The following BICC1 variants were observed in gnomAD, a reference collection of about 807,000 sequenced individuals.
BICC1 encodes BicC family RNA binding protein 1.
BICC1 carries 43 observed loss-of-function variants against 111.0 expected under a neutral mutation model. The ratio of observed to expected loss-of-function variants is 0.39; its 90% CI spans 0.30 to 0.50. The LOEUF is 0.50. Ranked by LOEUF, BICC1 falls within the 20% of genes least tolerant of loss-of-function variation. BICC1 has a pLI of 0.88. For missense variants in BICC1, 1,091 were observed against 1,203.2 expected (o/e 0.91, Z 1.38); for synonymous variants, 467 against 434.4 (o/e 1.07, Z -0.93).
intron 3 of BICC1, among the ~76,000 whole-genome samples, chr10:58,754,347 G>A (rs989297396): frequency 6.6e-6 from 1 of 152,190 alleles, no homozygotes; most frequent in East Asian, 1.9e-4. Flanking sequence ...TTTTGATTCA[G>A]TTGAATAGTA....
chr10:58,629,477 G>A (rs933198754), intron 2 of BICC1, among the ~76,000 whole-genome samples: 1 of 152,150 alleles, frequency 6.6e-6, no homozygotes, highest in Non-Finnish European at 1.5e-5. Flanking sequence ...AGTGAGAGAG[G>A]TTCTGCCTAA....
chr10:58,752,587 T>G (rs1159198660), intron 3 of BICC1, among the ~76,000 whole-genome samples: 1 of 152,164 alleles, frequency 6.6e-6, no homozygotes, highest in East Asian at 1.9e-4. Flanking sequence ...CTCATTTCTC[T>G]TCTTCCTGAA....
intron 3 of BICC1, among the ~76,000 whole-genome samples, chr10:58,772,685 CTT>C (rs1842651116): frequency 6.6e-6 from 1 of 152,106 alleles, no homozygotes; most frequent in African/African-American, 2.4e-5. Flanking sequence ...TGTACATAGT[CTT>C]TGGATGCAGT....
chr10:58,748,174 T>C lies in BICC1; in HGVS notation c.308-36827T>C, dbSNP rs183811820. 2.0e-3 allele frequency among the ~76,000 whole-genome samples: 308 copies of C among 152,248 alleles called. 1 individual carries two copies. Among genetic ancestry groups the C allele is most frequent in the Admixed American group, 5.2e-3 (80 of 15,276 alleles). On this transcript the variant is annotated intron_variant, in intron 3 of 20. Transcript: ENST00000373886. ...TACAAGTCAGTTTTAAATTTATGTTTTCATTGTCTCAAATCGAGTGACTTT... is the reference window on the plus strand; with the variant it reads ...TACAAGTCAGTTTTAAATTTATGTTCTCATTGTCTCAAATCGAGTGACTTT...
At chr10:58,791,243 T>C (rs1843166351) in intron 8 of BICC1, among the ~76,000 whole-genome samples, 1 of 152,186 alleles carries the variant, frequency 6.6e-6, no homozygotes, top group Admixed American at 6.5e-5. Context: ...CTTTACAAGT[T>C]CTTTAGATGT....
intron 1 of BICC1, among the ~76,000 whole-genome samples, chr10:58,538,049 A>G (rs1842866543): frequency 6.6e-6 from 1 of 151,962 alleles, no homozygotes; most frequent in Admixed American, 6.6e-5. Flanking sequence ...TACTGCCCAA[A>G]GCAATTTACA....
intron 17 of BICC1, among the ~76,000 whole-genome samples, chr10:58,809,935 G>C (rs1843847762): frequency 6.6e-6 from 1 of 152,174 alleles, no homozygotes; most frequent in South Asian, 2.1e-4. Flanking sequence ...CTGATCTAGA[G>C]CCATGTTGCC....
At chr10:58,711,582 C>G (rs1589049775) in intron 3 of BICC1, among the ~76,000 whole-genome samples, 2 of 152,296 alleles carry the variant, frequency 1.3e-5, no homozygotes, top group South Asian at 4.1e-4. Context: ...GACTGAGGAC[C>G]TGAGCTTGGG....
chr10:58,533,399 A>G (rs975723738), intron 1 of BICC1, among the ~76,000 whole-genome samples: 1 of 151,858 alleles, frequency 6.6e-6, no homozygotes, highest in African/African-American at 2.4e-5. Flanking sequence ...TTTTTTAGTG[A>G]TGTACTAAAT....
At chr10:58,756,128 C>T (rs949583256) in intron 3 of BICC1, among the ~76,000 whole-genome samples, 10 of 152,096 alleles carry the variant, frequency 6.6e-5, no homozygotes, top group African/African-American at 1.9e-4. Flanking sequence ...CTTTGAAAAA[C>T]GTTGCTCTTT....
intron 1 of BICC1, among the ~76,000 whole-genome samples, chr10:58,597,145 A>G (rs755284529): frequency 6.6e-6 from 1 of 152,178 alleles, no homozygotes; most frequent in Non-Finnish European, 1.5e-5. Flanking sequence ...TAAAGACAGT[A>G]CAAAGAGAGC....
At chr10:58,664,259 G>C (rs997362483) in intron 2 of BICC1, among the ~76,000 whole-genome samples, 3 of 152,098 alleles carry the variant, frequency 2.0e-5, no homozygotes, top group African/African-American at 7.2e-5. Context: ...TAGTCATTCT[G>C]GTGGATACTT....
At chr10:58,534,275 T>C (rs1039294484) in intron 1 of BICC1, among the ~76,000 whole-genome samples, 1 of 151,690 alleles carries the variant, frequency 6.6e-6, no homozygotes, top group Admixed American at 6.6e-5. Context: ...CTCTGAACTT[T>C]TTTTTCAAGA....
intron 1 of BICC1, among the ~76,000 whole-genome samples, chr10:58,553,586 T>C (rs1843359715): frequency 6.6e-6 from 1 of 152,158 alleles, no homozygotes; most frequent in Admixed American, 6.6e-5. Flanking sequence ...TAAGTTTGTA[T>C]TATTTTGTTA....
chr10:58,769,831 A>T (rs944406923), intron 3 of BICC1, among the ~76,000 whole-genome samples: 7 of 152,098 alleles, frequency 4.6e-5, no homozygotes, highest in Non-Finnish European at 8.8e-5. Flanking sequence ...AACTCAAAAT[A>T]TCCAAGACTT....
rs71006205 is a variant in BICC1, at chr10:58,769,376, ATGTG to A, written c.308-15599_308-15596del. ...GATTGTGGTAATAGTTTTATAATGT[ATGTG>A]TGTGTGTGTGTGTGTGTGTGTGTGT... is the stretch of plus-strand genomic sequence containing the variant. On this transcript the variant is annotated intron_variant, in intron 3 of 20. Transcript: ENST00000373886. 6.3e-3 allele frequency among the ~76,000 whole-genome samples: 462 copies of A among 72,916 alleles called. 5 individuals are homozygous for A. Among genetic ancestry groups the A allele is most frequent in the South Asian group, 0.013 (23 of 1,744 alleles). The allele number at this position is 72,916 out of a possible 152,430, so 47.8% of individuals were successfully genotyped here. A position where few individuals can be genotyped will look rare whatever the true frequency, so the allele number is the denominator to read the frequency against.
chr10:58,826,047 G>T (rs1379222569), intron 20 of BICC1, among the ~76,000 whole-genome samples: 1 of 151,682 alleles, frequency 6.6e-6, no homozygotes, highest in East Asian at 1.9e-4. Flanking sequence ...TAGACCTGCA[G>T]ATGCAAAAGC....
intron 20 of BICC1, among the ~76,000 whole-genome samples, chr10:58,824,418 A>G (rs1473651549): frequency 6.6e-6 from 1 of 152,210 alleles, no homozygotes; most frequent in East Asian, 1.9e-4. Context: ...AGACCTATAT[A>G]TGAACAAAAG....
chr10:58,818,419 C>T (rs998957568), intron 19 of BICC1, among the ~76,000 whole-genome samples: 6 of 152,060 alleles, frequency 3.9e-5, no homozygotes, highest in Admixed American at 6.6e-5. Context: ...TAAAATGTTT[C>T]TATACATTTG....
Sources: allele counts gnomAD v4.1 joint callset (sites outside exome capture counted in the v4.1 genomes callset), GRCh38; gene constraint gnomAD v4.1.1; transcripts MANE v1.5; gene names NCBI Gene and HGNC (gene_info 2026-07-23, HGNC 2026-07-21).